NPAS3: variants seen among roughly 807,000 people sequenced by gnomAD.
NPAS3 encodes the protein neuronal PAS domain protein 3.
NPAS3 carries 14 observed loss-of-function variants against 73.1 expected under a neutral mutation model. The ratio of observed to expected loss-of-function variants is 0.19; its 90% confidence interval spans 0.13 to 0.30. The LOEUF (loss-of-function observed/expected upper bound fraction) is 0.30. Among genes scored for constraint, NPAS3 ranks in the 10% least tolerant of loss-of-function variants. The pLI, the probability that NPAS3 is intolerant of heterozygous loss-of-function variation, is 1.00. For missense variants in NPAS3, 1,096 were observed against 1,250.0 expected (o/e 0.88, Z 1.86); for synonymous variants, 620 against 541.5 (o/e 1.14, Z -2.01).
At chr14:33,391,712 A>T (rs1268963160) in intron 4 of NPAS3, among the ~76,000 whole-genome samples, 1 of 152,166 alleles carries the variant, frequency 6.6e-6, no homozygotes, top group Non-Finnish European at 1.5e-5. Flanking sequence ...AGAAATAGAA[A>T]ACGCACAAAG....
intron 4 of NPAS3, among the ~76,000 whole-genome samples, chr14:33,476,135 T>C (rs533819737): frequency 3.2e-4 from 48 of 152,226 alleles, no homozygotes; most frequent in Non-Finnish European, 6.8e-4. Context: ...TTCTAATACG[T>C]TGTTGGTTTT....
intron 2 of NPAS3, among the ~76,000 whole-genome samples, chr14:33,196,791 C>G (rs1466279581): frequency 6.6e-6 from 1 of 152,174 alleles, no homozygotes; most frequent in Non-Finnish European, 1.5e-5. Flanking sequence ...TAAATGAATG[C>G]TTATAGAAGT....
intron 4 of NPAS3, among the ~76,000 whole-genome samples, chr14:33,368,493 C>A (rs1489316147): frequency 6.6e-6 from 1 of 152,076 alleles, no homozygotes; most frequent in Non-Finnish European, 1.5e-5. Context: ...TGGTTTTTAA[C>A]AGTCTCCTGA....
At chr14:33,145,700 C>T (rs1257828142) in intron 2 of NPAS3, among the ~76,000 whole-genome samples, 1 of 152,010 alleles carries the variant, frequency 6.6e-6, no homozygotes, top group East Asian at 1.9e-4. Flanking sequence ...GTACTGTGTC[C>T]TTTTTGTTTT....
intron 4 of NPAS3, among the ~76,000 whole-genome samples, chr14:33,374,549 G>GT (rs1403245755): frequency 2.0e-5 from 3 of 151,742 alleles, no homozygotes; most frequent in Non-Finnish European, 4.4e-5. Context: ...TCTTATTTAT[G>GT]TATTTGTTAC....
chr14:33,352,819 T>C (rs908227273), intron 3 of NPAS3, among the ~76,000 whole-genome samples: 2 of 152,152 alleles, frequency 1.3e-5, no homozygotes, highest in Non-Finnish European at 2.9e-5. Context: ...CAACAATATA[T>C]AAAGCTTACT....
At chr14:33,787,615 A>C (rs890366906) in intron 9 of NPAS3, among the ~76,000 whole-genome samples, 2 of 141,250 alleles carry the variant, frequency 1.4e-5, no homozygotes, top group Non-Finnish European at 3.1e-5. Context: ...AAAAAAAAAA[A>C]ACCTAAAAAC....
At chr14:33,039,286 A>AT (rs1260905134) in intron 1 of NPAS3, among the ~76,000 whole-genome samples, 4 of 152,108 alleles carry the variant, frequency 2.6e-5, no homozygotes, top group South Asian at 2.1e-4. Context: ...ACATAGTTAC[A>AT]TTTTTTTAAA....
intron 3 of NPAS3, among the ~76,000 whole-genome samples, chr14:33,231,878 CAAATGGTTCAAG>C (rs1318675940): frequency 6.6e-6 from 1 of 152,078 alleles, no homozygotes; most frequent in Non-Finnish European, 1.5e-5. Context: ...TTGACGTAGG[CAAATGGTTCAAG>C]AAGCTCAAAT....
At chr14:33,267,009 G>T (rs989339434) in intron 3 of NPAS3, among the ~76,000 whole-genome samples, 2 of 152,114 alleles carry the variant, frequency 1.3e-5, no homozygotes, top group African/African-American at 2.4e-5. Context: ...TTTGGGATGG[G>T]TAATTGCCAG....
intron 4 of NPAS3, among the ~76,000 whole-genome samples, chr14:33,414,050 A>G (rs1009515234): frequency 3.3e-5 from 5 of 152,174 alleles, no homozygotes; most frequent in Non-Finnish European, 7.4e-5. Context: ...GAATCAAGTA[A>G]AATAGAGTAT....
chr14:33,017,964 G>A (rs772264809), intron 1 of NPAS3, among the ~76,000 whole-genome samples: 1 of 152,054 alleles, frequency 6.6e-6, no homozygotes, highest in Non-Finnish European at 1.5e-5. Context: ...AAATGTTTTA[G>A]TTGACTGTGA....
intron 4 of NPAS3, among the ~76,000 whole-genome samples, chr14:33,409,474 T>G (rs2047820594): frequency 6.6e-6 from 1 of 152,210 alleles, no homozygotes; most frequent in South Asian, 2.1e-4. Flanking sequence ...CATTACTATA[T>G]TTTATCATTT....
At chr14:33,163,131 T>C (rs2044970457) in intron 2 of NPAS3, among the ~76,000 whole-genome samples, 1 of 152,248 alleles carries the variant, frequency 6.6e-6, no homozygotes, top group Admixed American at 6.5e-5. Flanking sequence ...TTTAATCTTA[T>C]TTTGCTTTGT....
chr14:33,375,508 A>G lies in NPAS3; in HGVS notation c.468+8240A>G, dbSNP rs976925095. Among the ~76,000 whole-genome samples, 3 of 152,350 alleles carry G rather than the reference A, an allele frequency of 2.0e-5. No individual in the cohort carries two copies. In the South Asian group the frequency reaches 6.2e-4, roughly 32 times the overall value. ...TTTAAGTTCACGTATGAACAACTCA[A>G]GATAATTTTGCATATTTAAATTAGT... On this transcript the variant is annotated intron_variant, in intron 4 of 11. Coordinates refer to ENST00000356141, the Ensembl canonical transcript of NPAS3.
Position 33,296,729 on chromosome 14 carries a change from C to G in NPAS3, c.386-70457C>G, listed in dbSNP as rs912854. The stretch of plus-strand genomic sequence containing the variant: ...TTTCGACTCCATTTTTCTTGGTTCA[C>G]GTAGAAGCAGAAGTGTTCAGTTTAG... On this transcript the variant is annotated intron_variant, in intron 3 of 11. Transcript: ENST00000356141. Among the ~76,000 whole-genome samples the G allele has an allele frequency of 3.3e-5, 5 of 152,236 alleles. 1 individual carries two copies. The South Asian group carries it at 1.0e-3, about 32-fold the overall frequency.
rs138495899 is a variant in NPAS3 at position 33,171,804 on chromosome 14, A to G, written c.141-43378A>G. 2.9e-3 allele frequency among the ~76,000 whole-genome samples: 446 copies of G among 152,302 alleles called. 1 individual carries two copies. The highest frequency in any genetic ancestry group is 0.01 in the African/African-American group (423 of 41,564). ...GTGCAAGTGACCTAGCTTTTGGCCTATCTTGCTTTTCGACGTGCCTTTCTC... is the reference window on the plus strand; with the variant it reads ...GTGCAAGTGACCTAGCTTTTGGCCTGTCTTGCTTTTCGACGTGCCTTTCTC... On this transcript the variant is annotated intron_variant, in intron 2 of 11. Coordinates refer to ENST00000356141, the Ensembl canonical transcript of NPAS3.
intron 5 of NPAS3, among the ~76,000 whole-genome samples, chr14:33,604,628 A>T (rs1165695178): frequency 6.6e-6 from 1 of 152,092 alleles, no homozygotes; most frequent in Non-Finnish European, 1.5e-5. Context: ...AAAACAAAAA[A>T]TCTCCACCTA....
chr14:33,016,014 CTA>C (rs1474762828), intron 1 of NPAS3, among the ~76,000 whole-genome samples: 2 of 152,276 alleles, frequency 1.3e-5, no homozygotes, highest in African/African-American at 2.4e-5. Flanking sequence ...GATTGTAAAA[CTA>C]TCAGTCGTGT....
Sources: allele counts gnomAD v4.1 joint callset (sites outside exome capture counted in the v4.1 genomes callset), GRCh38; gene constraint gnomAD v4.1.1; transcripts MANE v1.5; gene names NCBI Gene and HGNC (gene_info 2026-07-23, HGNC 2026-07-21).